The following FAM167A variants were observed in gnomAD, a reference collection of about 807,000 sequenced individuals.
FAM167A encodes the protein family with sequence similarity 167 member A.
In FAM167A, 23 loss-of-function variants were observed where a neutral mutation model predicts 14.9. That is an observed-to-expected ratio of 1.55 (90% CI 1.11 to 2.19). FAM167A has a LOEUF of 2.19. FAM167A is among the 30% of genes most tolerant of loss of function. FAM167A has a pLI of 0.00. For synonymous variants in FAM167A, 174 were observed against 117.7 expected (o/e 1.48, Z -3.10); for missense variants, 401 against 281.5 (o/e 1.42, Z -3.04).
Position 11,424,541 on chromosome 8 carries a change from G to GT in FAM167A, c.476_477insA (p.His160ProfsTer17). The GT allele has an allele frequency of 6.2e-7, 1 of 1,614,172 alleles. No individual in the cohort carries two copies. Among genetic ancestry groups the GT allele is most frequent in the South Asian group, 1.1e-5 (1 of 91,084 alleles). On this transcript the variant is annotated frameshift_variant, in exon 3 of 3. Transcript: ENST00000284486. LOFTEE classifies it high-confidence loss of function. Reference sequence around the variant, plus strand: ...TGGCATCGTTGAGCATCCTCCTGTGGAGGCGGCAGGTGTGTTCGATTTTCA... The same window carrying GT: ...TGGCATCGTTGAGCATCCTCCTGTGGTAGGCGGCAGGTGTGTTCGATTTTCA...
chr8:11,469,041 T>A (rs1351096456), upstream of FAM167A, among the ~76,000 whole-genome samples: 2 of 152,204 alleles, frequency 1.3e-5, no homozygotes, highest in Non-Finnish European at 2.9e-5. Flanking sequence ...TAGCACAGAA[T>A]GGTATGTAGC....
chr8:11,434,096 G>A (rs1372645208), intron 2 of FAM167A: 1 of 152,228 alleles, frequency 6.6e-6, no homozygotes, highest in African/African-American at 2.4e-5. Context: ...AGGTTCCGGG[G>A]AAATGTGAAG....
At chr8:11,434,504 G>T (rs776738745) in intron 2 of FAM167A, among the ~76,000 whole-genome samples, 7 of 152,190 alleles carry the variant, frequency 4.6e-5, no homozygotes, top group Non-Finnish European at 7.4e-5. Context: ...TGCTGGGAGG[G>T]AGAGACGACA....
At chr8:11,448,970 T>G (rs1472938154) in intron 1 of FAM167A, among the ~76,000 whole-genome samples, 1 of 152,248 alleles carries the variant, frequency 6.6e-6, no homozygotes, top group Non-Finnish European at 1.5e-5. Context: ...TGTACCCACC[T>G]GAATAGGCGT....
intron 2 of FAM167A, among the ~76,000 whole-genome samples, chr8:11,429,019 G>A (rs189737457): frequency 2.0e-5 from 3 of 152,180 alleles, no homozygotes; most frequent in East Asian, 1.9e-4. Flanking sequence ...TGTACAGCTC[G>A]GTGGCAATTA....
intron 2 of FAM167A, among the ~76,000 whole-genome samples, chr8:11,439,859 C>A (rs141133584): frequency 5.7e-4 from 87 of 152,262 alleles, no homozygotes; most frequent in African/African-American, 2.0e-3. Flanking sequence ...AAGGAGGGTC[C>A]CTGCTCCCCT....
At chr8:11,427,860 A>G (rs1563357738) in intron 2 of FAM167A, among the ~76,000 whole-genome samples, 1 of 152,208 alleles carries the variant, frequency 6.6e-6, no homozygotes, top group Non-Finnish European at 1.5e-5. Context: ...TTTATTGCTA[A>G]TTAAATTCTA....
intron 2 of FAM167A, among the ~76,000 whole-genome samples, chr8:11,433,364 A>C (rs949332084): frequency 2.0e-5 from 3 of 152,028 alleles, no homozygotes; most frequent in African/African-American, 7.2e-5. Context: ...TTTCCAACAA[A>C]AGTCTTACCC....
At chr8:11,472,381 G>T (rs1220150797), upstream of FAM167A, among the ~76,000 whole-genome samples, 1 of 151,800 alleles carries the variant, frequency 6.6e-6, no homozygotes, top group African/African-American at 2.4e-5. Flanking sequence ...CTGGAAGGAG[G>T]CCTCCTGAAC....
chr8:11,435,100 A>T (rs950639132), intron 2 of FAM167A: 6 of 456,670 alleles, frequency 1.3e-5, no homozygotes, highest in Non-Finnish European at 2.6e-5. Flanking sequence ...AAATCTTTCA[A>T]AGGTATCACG....
chr8:11,425,819 A>G (rs1805101263), intron 2 of FAM167A, among the ~76,000 whole-genome samples: 1 of 152,172 alleles, frequency 6.6e-6, no homozygotes, highest in Admixed American at 6.5e-5. Context: ...AACCCTGAAG[A>G]AAATAAAAAT....
chr8:11,431,305 C>T (rs947264152), intron 2 of FAM167A, among the ~76,000 whole-genome samples: 5 of 152,212 alleles, frequency 3.3e-5, no homozygotes, highest in African/African-American at 4.8e-5. Flanking sequence ...GGCCAAATAC[C>T]GTAGGATTCC....
rs865794399 is a variant in FAM167A at position 11,449,280 on chromosome 8, G to A, written c.-397-4472C>T. On this transcript the variant is annotated intron_variant, in intron 1 of 2. Transcript: ENST00000284486. The stretch of plus-strand genomic sequence containing the variant: ...CAGCTGGAATGTCACCCACACAGGC[G>A]CAGGGACGTGACAGCAGAAAAGCTT... Among the ~76,000 whole-genome samples the A allele has an allele frequency of 5.3e-5, 8 of 152,360 alleles. No homozygotes were observed. The South Asian group carries it at 8.3e-4, about 16-fold the overall frequency.
chr8:11,464,147 G>T (rs866418135), intron 1 of FAM167A, among the ~76,000 whole-genome samples: 6 of 149,728 alleles, frequency 4.0e-5, no homozygotes, highest in Middle Eastern at 6.8e-3. Flanking sequence ...AAGGAAAGGG[G>T]GTGAGGTGGG....
intron 2 of FAM167A, chr8:11,434,979 G>C (rs531640895): frequency 1.2e-4 from 53 of 453,556 alleles, no homozygotes; most frequent in Non-Finnish European, 2.2e-4. Context: ...CCTGCATTTG[G>C]GTCCTCTGCA....
At chr8:11,468,089 C>T (rs962573874), upstream of FAM167A, among the ~76,000 whole-genome samples, 15 of 152,326 alleles carry the variant, frequency 9.8e-5, no homozygotes, top group African/African-American at 3.4e-4. Flanking sequence ...CAAGCGTGCA[C>T]GCAGTCTCCA....
intron 2 of FAM167A, among the ~76,000 whole-genome samples, chr8:11,425,307 G>A (rs117003123): frequency 0.028 from 4,310 of 152,162 alleles, 85 homozygotes; most frequent in Middle Eastern, 0.058. Context: ...TTATAGAGGA[G>A]GACACAGAGG....
intron 1 of FAM167A, among the ~76,000 whole-genome samples, chr8:11,461,474 T>G (rs1807535558): frequency 6.6e-6 from 1 of 152,232 alleles, no homozygotes; most frequent in Non-Finnish European, 1.5e-5. Flanking sequence ...GGGCAGAAAG[T>G]AGACACAGAG....
chr8:11,436,925 T>G (rs1239367162), intron 2 of FAM167A, among the ~76,000 whole-genome samples: 2 of 152,130 alleles, frequency 1.3e-5, no homozygotes, highest in African/African-American at 4.8e-5. Context: ...TGGGGACCTG[T>G]GGGATTAAAT....
Sources: gnomAD v4.1 joint callset for allele counts (sites outside exome capture counted in the v4.1 genomes callset) on GRCh38, gnomAD v4.1.1 for gene constraint, MANE v1.5 for transcripts, NCBI Gene and HGNC (gene_info 2026-07-23, HGNC 2026-07-21) for gene names.